Variants in COL4A2 observed in about 807,000 individuals in gnomAD.
COL4A2 encodes the protein collagen type IV alpha 2 chain, also known as collagen alpha-2(IV) chain.
COL4A2 carries 99 observed loss-of-function variants against 200.2 expected under a neutral mutation model. The observed-to-expected ratio is 0.49, with a 90% CI of 0.42 to 0.58. The LOEUF (loss-of-function observed/expected upper bound fraction) is 0.58. Among genes scored for constraint, COL4A2 ranks in the 20% least tolerant of loss-of-function variants. COL4A2 has a pLI of 0.00. For synonymous variants in COL4A2, 897 were observed against 900.6 expected (o/e 1.00, Z 0.07); for missense variants, 1,950 against 2,314.1 (o/e 0.84, Z 3.23).
intron 3 of COL4A2, among the ~76,000 whole-genome samples, chr13:110,326,044 C>T (rs1885400822): frequency 6.6e-6 from 1 of 152,170 alleles, no homozygotes; most frequent in Non-Finnish European, 1.5e-5. Flanking sequence ...CCTTGGCCTC[C>T]CAAAGTAGTG....
chr13:110,318,169 A>G (rs1167654703), intron 3 of COL4A2, among the ~76,000 whole-genome samples: 1 of 152,200 alleles, frequency 6.6e-6, no homozygotes, highest in Non-Finnish European at 1.5e-5. Context: ...CCAGGGTCTC[A>G]TGTATGTGAC....
intron 18 of COL4A2, among the ~76,000 whole-genome samples, chr13:110,447,736 C>G (rs561670152): frequency 9.3e-6 from 1 of 107,992 alleles, no homozygotes; most frequent in Non-Finnish European, 2.1e-5. Context: ...GCTCAGCAAA[C>G]GCCTGACTGA....
At chr13:110,459,992 A>C (rs866691063) in intron 22 of COL4A2, among the ~76,000 whole-genome samples, 6 of 152,336 alleles carry the variant, frequency 3.9e-5, no homozygotes, top group African/African-American at 1.4e-4. Context: ...TCCGTGGCAG[A>C]TTTTAGCTGA....
Position 110,490,148 on chromosome 13 carries a change from A to T in COL4A2, c.3346+363A>T, listed in dbSNP as rs767119405. On this transcript the variant is annotated intron_variant, in intron 36 of 47. Transcript: ENST00000360467. Reference sequence around the variant, plus strand: ...AGGTGGTCGCTGACCCGAGCTTCTCAGAAACAGCGAAGGGTCCAGGAAAGG... The same window carrying T: ...AGGTGGTCGCTGACCCGAGCTTCTCTGAAACAGCGAAGGGTCCAGGAAAGG... 1.4e-4 allele frequency among the ~76,000 whole-genome samples: 22 copies of T among 152,336 alleles called. 1 individual carries two copies. The highest frequency in any genetic ancestry group is 1.0e-3 in the South Asian group (5 of 4,824).
chr13:110,425,073 A>G, intron 6 of COL4A2, 76 bp downstream of exon 6: 1 of 1,564,356 alleles, frequency 6.4e-7, no homozygotes, highest in South Asian at 1.1e-5. Flanking sequence ...TTAAAGAAAC[A>G]TTTTGAATGA....
chr13:110,416,566 GCACAACCA>G (rs1244513151), intron 4 of COL4A2, among the ~76,000 whole-genome samples: 1 of 152,220 alleles, frequency 6.6e-6, no homozygotes, highest in Non-Finnish European at 1.5e-5. Context: ...AAGCCATTGA[GCACAACCA>G]CCCATGTGCT....
intron 29 of COL4A2, among the ~76,000 whole-genome samples, chr13:110,475,814 C>G (rs1395176436): frequency 6.6e-6 from 1 of 152,240 alleles, no homozygotes; most frequent in East Asian, 1.9e-4. Context: ...CAGACGTCCA[C>G]AAATGAGATG....
At chr13:110,383,897 C>A (rs993544078) in intron 4 of COL4A2, among the ~76,000 whole-genome samples, 2 of 152,070 alleles carry the variant, frequency 1.3e-5, no homozygotes, top group African/African-American at 2.4e-5. Context: ...CAGGCATGAG[C>A]CACTGCGCCT....
intron 26 of COL4A2, among the ~76,000 whole-genome samples, chr13:110,466,512 A>G (rs1381679289): frequency 6.6e-6 from 1 of 152,214 alleles, no homozygotes; most frequent in Non-Finnish European, 1.5e-5. Context: ...ACAATACCCC[A>G]GCTGGAGTGT....
chr13:110,438,721 G>T, intron 15 of COL4A2, 53 bp downstream of exon 15: 1 of 1,611,842 alleles, frequency 6.2e-7, no homozygotes. Context: ...GTTTTTTTCA[G>T]TAGGCTTTCC....
At chr13:110,407,958 C>G (rs1879634721) in intron 4 of COL4A2, among the ~76,000 whole-genome samples, 1 of 152,174 alleles carries the variant, frequency 6.6e-6, no homozygotes, top group African/African-American at 2.4e-5. Flanking sequence ...CAACTTGAAG[C>G]CTGCTGAGTT....
intron 29 of COL4A2, among the ~76,000 whole-genome samples, chr13:110,477,737 T>G (rs572576875): frequency 2.0e-5 from 3 of 152,236 alleles, no homozygotes; most frequent in Non-Finnish European, 4.4e-5. Context: ...ACTATACTTA[T>G]AGTGCCATGT....
At chr13:110,486,983 G>A (rs1209080913) in intron 34 of COL4A2, among the ~76,000 whole-genome samples, 1 of 152,186 alleles carries the variant, frequency 6.6e-6, no homozygotes, top group Admixed American at 6.5e-5. Flanking sequence ...CTTAGCTTGG[G>A]CTCAGAGGCC....
intron 3 of COL4A2, among the ~76,000 whole-genome samples, chr13:110,309,544 G>C (rs1594136922): frequency 6.6e-6 from 1 of 152,194 alleles, no homozygotes; most frequent in African/African-American, 2.4e-5. Context: ...TGTGTGCTTT[G>C]GTTGTGCTGC....
Position 110,469,229 on chromosome 13 carries a change from T to G in COL4A2, c.2108T>G (p.Leu703Arg). 1 of 1,596,124 alleles carries G rather than the reference T, an allele frequency of 6.3e-7. No homozygotes were observed. Among genetic ancestry groups the G allele is most frequent in the Non-Finnish European group, 8.5e-7 (1 of 1,171,056 alleles). The change falls in exon 28 of 48, where the codon CTC (leucine) becomes CGC (arginine). Residue 703 changes from leucine to arginine, a missense_variant. By Grantham distance (102) the Leu-to-Arg change is moderately radical. Around this residue, in one of 2 missense-constraint regions of COL4A2, gnomAD observed 1,385 missense variants for 1,720.5 expected, o/e 0.80. Transcript: ENST00000360467. ...TTTGGTTATTTAGGTGCCAAAGGCC[T>G]CCGAGGAATCCCAGGCTTCGCAGGA... ...GPPGPTGAKG[L>R]RGIPGFAGAD...
chr13:110,327,590 T>G (rs1442425550), intron 3 of COL4A2, among the ~76,000 whole-genome samples: 5 of 152,208 alleles, frequency 3.3e-5, no homozygotes, highest in Non-Finnish European at 7.3e-5. Flanking sequence ...CTTTCTATAG[T>G]GAAGAGATTG....
intron 40 of COL4A2, among the ~76,000 whole-genome samples, chr13:110,499,774 A>G (rs386090): frequency 0.13 from 19,083 of 152,202 alleles, 1,687 homozygotes; most frequent in African/African-American, 0.24. Context: ...CATGTTTGCT[A>G]AGTGTTCTCA....
intron 28 of COL4A2, among the ~76,000 whole-genome samples, chr13:110,470,785 T>G (rs9555706): frequency 0.4 from 60,982 of 152,058 alleles, 12,609 homozygotes; most frequent in East Asian, 0.56. Context: ...GATAGCTGAT[T>G]TAAGCCTCAA....
chr13:110,348,126 C>T lies in COL4A2; in HGVS notation c.100-9346C>T, dbSNP rs190032078. 3.2e-3 allele frequency among the ~76,000 whole-genome samples: 483 copies of T among 152,336 alleles called. 16 individuals are homozygous for T. The highest frequency in any genetic ancestry group is 0.03 in the Admixed American group (466 of 15,310). ...ACACAGCCTGAGCTCCTCCCTCCTTCTCTGAGTCTCTCAGTTCCATGAGGA... is the reference window on the plus strand; with the variant it reads ...ACACAGCCTGAGCTCCTCCCTCCTTTTCTGAGTCTCTCAGTTCCATGAGGA... On this transcript the variant is annotated intron_variant, in intron 3 of 47. Coordinates refer to ENST00000360467, the MANE Select transcript of COL4A2 (RefSeq NM_001846.4).
Sources: gnomAD v4.1 joint callset for allele counts (sites outside exome capture counted in the v4.1 genomes callset) on GRCh38, gnomAD v4.1.1 for gene constraint, gnomAD v4.1.1 regional missense constraint, MANE v1.5 for transcripts, NCBI Gene and HGNC (gene_info 2026-07-23, HGNC 2026-07-21) for gene names.